Variants in STX18 observed in about 807,000 individuals in gnomAD.
STX18 encodes the protein syntaxin-18.
Under a neutral mutation model 50.1 loss-of-function variants are expected in STX18, and 40 were observed. The observed-to-expected ratio is 0.80, with a 90% CI of 0.62 to 1.04. The LOEUF (loss-of-function observed/expected upper bound fraction) is 1.04, where lower values mean the gene tolerates loss of function less well. Ranked by LOEUF, STX18 falls within the 50% of genes least tolerant of loss-of-function variation. The pLI is 0.00. For missense variants in STX18, 410 were observed against 415.8 expected (o/e 0.99, Z 0.12); for synonymous variants, 158 against 151.8 (o/e 1.04, Z -0.30).
chr4:4,450,716 C>G (rs1425682098), intron 5 of STX18, among the ~76,000 whole-genome samples: 1 of 152,196 alleles, frequency 6.6e-6, no homozygotes, highest in African/African-American at 2.4e-5. Context: ...TAGGCTATGA[C>G]TGCCCATGCT....
rs563014638 is a variant in STX18, at chr4:4,425,417, A to G, written c.703-195T>C. 268 of 611,614 alleles carry G rather than the reference A, an allele frequency of 4.4e-4. No individual in the cohort carries two copies. The African/African-American group carries it at 4.5e-3, about 10-fold the overall frequency. The allele number at this position is 611,614 out of a possible 1,614,324, so 37.9% of individuals were successfully genotyped here. On this transcript the variant is annotated intron_variant, in intron 7 of 10. Transcript: ENST00000306200. ...TGCTTTCAGGAGAAAGTTTTAAAAA[A>G]CAGCTGTGCTGCCTGGTAATTGACT...
intron 8 of STX18, 56 bp downstream of exon 8, chr4:4,425,108 G>T: frequency 6.6e-7 from 1 of 1,526,246 alleles, no homozygotes; most frequent in Admixed American, 1.7e-5. Context: ...AAAGTTCCTA[G>T]TTCCTGGAAA....
Position 4,457,507 on chromosome 4 carries a change from C to T in STX18, c.353-7G>A, listed in dbSNP as rs1727143045. 7.4e-6 allele frequency: 12 copies of T among 1,611,988 alleles called. No homozygotes were observed. The highest frequency in any genetic ancestry group is 9.3e-6 in the Non-Finnish European group (11 of 1,178,762). ...GAATGTATCTCCTTGTGAGCTGTAA[C>T]AGAAAAAGACAATGTTCAGGCCTTC... On this transcript the variant is annotated splice_polypyrimidine_tract_variant and splice_region_variant and intron_variant, in intron 3 of 10. Coordinates refer to ENST00000306200, the MANE Select transcript of STX18 (RefSeq NM_016930.4).
intron 2 of STX18, among the ~76,000 whole-genome samples, chr4:4,464,045 A>T (rs1030389768): frequency 3.9e-5 from 6 of 152,174 alleles, no homozygotes; most frequent in Non-Finnish European, 7.4e-5. Flanking sequence ...AAAAAGCAGG[A>T]TTTATTTTAT....
Position 4,419,813 on chromosome 4 carries a change from A to G in STX18, c.*221T>C. ...ATGAGGGCTACGCAGGCTGCCTCCC[A>G]TTGGTGTGCACTGTTTCCTTTTTCA... On this transcript the variant is annotated 3_prime_UTR_variant, in exon 11 of 11. Transcript: ENST00000306200. 1 of 492,008 alleles carries G rather than the reference A, an allele frequency of 2.0e-6. No individual in the cohort carries two copies. The highest frequency in any genetic ancestry group is 3.7e-6 in the Non-Finnish European group (1 of 271,426). The allele number at this position is 492,008 out of a possible 1,614,324, so 30.5% of individuals were successfully genotyped here. A position where few individuals can be genotyped will look rare whatever the true frequency, so the allele number is the denominator to read the frequency against.
At chr4:4,463,153 G>A (rs1727464813) in intron 2 of STX18, among the ~76,000 whole-genome samples, 1 of 152,126 alleles carries the variant, frequency 6.6e-6, no homozygotes, top group Admixed American at 6.5e-5. Context: ...TGTTGGCTTT[G>A]CAAATTTTTT....
Position 4,438,485 on chromosome 4 carries a change from A to G in STX18, c.522T>C (p.Asn174=), listed in dbSNP as rs774824656. The G allele has an allele frequency of 3.1e-6, 5 of 1,613,424 alleles. No homozygotes were observed. In the African/African-American group the frequency reaches 5.3e-5, roughly 17 times the overall value. The change falls in exon 6 of 11, where the codon AAT becomes AAC. Residue 174 remains asparagine (N), a synonymous_variant. Transcript: ENST00000306200. ...AAGATGTGGATTCTCTTGTCTTTGTATTTGGTTCTGGTTCCAGCTTAGATC... is the reference window on the plus strand; with the variant it reads ...AAGATGTGGATTCTCTTGTCTTTGTGTTTGGTTCTGGTTCCAGCTTAGATC... ...KRLSKLEPEP[N]TKTRESTSSE...
chr4:4,513,709 A>G (rs1293928781), intron 1 of STX18, among the ~76,000 whole-genome samples: 1 of 152,232 alleles, frequency 6.6e-6, no homozygotes, highest in African/African-American at 2.4e-5. Context: ...AGCATGGCCA[A>G]TGAAATCTTT....
chr4:4,454,550 C>T (rs114374854), intron 5 of STX18, among the ~76,000 whole-genome samples: 2,925 of 152,300 alleles, frequency 0.019, 44 homozygotes, highest in South Asian at 0.035. Flanking sequence ...TGACAAATCA[C>T]GCATCATCAG....
intron 1 of STX18, among the ~76,000 whole-genome samples, chr4:4,515,353 C>T (rs757309480): frequency 1.3e-5 from 2 of 152,052 alleles, no homozygotes; most frequent in Non-Finnish European, 1.5e-5. Flanking sequence ...ACCACATAAG[C>T]AGTTCTAAAA....
At chr4:4,535,785 T>C (rs1731304314) in intron 1 of STX18, among the ~76,000 whole-genome samples, 1 of 152,248 alleles carries the variant, frequency 6.6e-6, no homozygotes, top group Admixed American at 6.5e-5. Context: ...TCTCCTGTCC[T>C]TCCTGCCTCT....
At chr4:4,440,327 G>A (rs1006064514) in intron 5 of STX18, among the ~76,000 whole-genome samples, 11 of 152,102 alleles carry the variant, frequency 7.2e-5, no homozygotes, top group Admixed American at 6.5e-5. Flanking sequence ...ATTTAATTTC[G>A]AATATCCCCA....
intron 7 of STX18, among the ~76,000 whole-genome samples, chr4:4,432,073 A>G (rs1434208400): frequency 6.6e-6 from 1 of 152,216 alleles, no homozygotes; most frequent in Non-Finnish European, 1.5e-5. Context: ...AAGGTGTTTG[A>G]GTCATTTTCT....
chr4:4,449,633 T>C (rs1560169547), intron 5 of STX18, among the ~76,000 whole-genome samples: 1 of 152,132 alleles, frequency 6.6e-6, no homozygotes, highest in Non-Finnish European at 1.5e-5. Flanking sequence ...TCCTATTAGG[T>C]TGTGTGTGAT....
At chr4:4,503,958 A>G (rs1425769448) in intron 1 of STX18, among the ~76,000 whole-genome samples, 1 of 152,220 alleles carries the variant, frequency 6.6e-6, no homozygotes, top group Non-Finnish European at 1.5e-5. Context: ...TAGATGTCAG[A>G]TTAATAGATA....
At chr4:4,534,940 C>A (rs558209343) in intron 1 of STX18, among the ~76,000 whole-genome samples, 1 of 152,348 alleles carries the variant, frequency 6.6e-6, no homozygotes, top group African/African-American at 2.4e-5. Context: ...CCTGCTCTAA[C>A]CTACTTCAGT....
intron 2 of STX18, among the ~76,000 whole-genome samples, chr4:4,460,791 C>CTG (rs558629051): frequency 4.6e-5 from 7 of 152,260 alleles, no homozygotes; most frequent in Admixed American, 4.6e-4. Context: ...AGAATGGACT[C>CTG]TGTCCGAGGG....
rs1080314 is a variant in STX18, at chr4:4,504,767, T to G, written c.169-33061A>C. Among the ~76,000 whole-genome samples the G allele has an allele frequency of 9.9e-3, 1,506 of 152,316 alleles. 9 individuals carry two copies. Among genetic ancestry groups the G allele is most frequent in the African/African-American group, 0.02 (839 of 41,568 alleles). ...TAACAATGATGTATCACTACACACC[T>G]ATTAAAATAGCTGAAATAAAAAATA... is the stretch of plus-strand genomic sequence containing the variant. On this transcript the variant is annotated intron_variant, in intron 1 of 10. Coordinates refer to ENST00000306200, the MANE Select transcript of STX18 (RefSeq NM_016930.4).
At chr4:4,504,068 A>AC (rs1431795772) in intron 1 of STX18, among the ~76,000 whole-genome samples, 4 of 152,312 alleles carry the variant, frequency 2.6e-5, no homozygotes, top group East Asian at 1.9e-4. Flanking sequence ...AGGGAGAAAA[A>AC]CACTAAACAC....
Sources: allele counts gnomAD v4.1 joint callset (sites outside exome capture counted in the v4.1 genomes callset), GRCh38; gene constraint gnomAD v4.1.1; transcripts MANE v1.5; gene names NCBI Gene and HGNC (gene_info 2026-07-23, HGNC 2026-07-21).